HNF4G: variants seen among roughly 807,000 people sequenced by gnomAD.
HNF4G encodes hepatocyte nuclear factor 4 gamma, also known as hepatocyte nuclear factor 4-gamma.
Under a neutral mutation model 50.9 loss-of-function variants are expected in HNF4G, and 21 were observed. The observed-to-expected ratio is 0.41, with a 90% CI of 0.29 to 0.59. HNF4G has a LOEUF of 0.59. HNF4G is among the 20% of genes least tolerant of loss of function. HNF4G has a pLI of 0.26. For missense variants in HNF4G, 527 were observed against 559.4 expected, an observed-to-expected ratio of 0.94 and a Z score of 0.58; for synonymous variants, 198 against 185.6, an observed-to-expected ratio of 1.07 and a Z score of -0.54.
intron 2 of HNF4G, among the ~76,000 whole-genome samples, chr8:75,512,853 G>A (rs953844649): frequency 1.3e-5 from 2 of 152,012 alleles, no homozygotes; most frequent in Non-Finnish European, 1.5e-5. Flanking sequence ...CAATATATTC[G>A]ATTTTGTCCT....
intron 2 of HNF4G, among the ~76,000 whole-genome samples, chr8:75,519,009 G>C (rs776086707): frequency 3.9e-5 from 6 of 151,918 alleles, no homozygotes; most frequent in African/African-American, 1.2e-4. Flanking sequence ...ATATCTTTTT[G>C]AATACATAAA....
At chr8:75,502,158 C>T (rs1185224234) in intron 2 of HNF4G, among the ~76,000 whole-genome samples, 1 of 152,070 alleles carries the variant, frequency 6.6e-6, no homozygotes, top group Non-Finnish European at 1.5e-5. Flanking sequence ...GCCCTGAAGT[C>T]TATGTTCTTG....
At chr8:75,437,314 CTCA>C (rs1442327196) in intron 1 of HNF4G, among the ~76,000 whole-genome samples, 1 of 152,310 alleles carries the variant, frequency 6.6e-6, no homozygotes, top group South Asian at 2.1e-4. Flanking sequence ...TTGTGTCATA[CTCA>C]TCATATTTCC....
chr8:75,545,532 G>A (rs1242094223), intron 2 of HNF4G, among the ~76,000 whole-genome samples: 3 of 152,028 alleles, frequency 2.0e-5, no homozygotes, highest in Admixed American at 2.0e-4. Flanking sequence ...TTGGAAAATG[G>A]TTAGTATATT....
intron 1 of HNF4G, among the ~76,000 whole-genome samples, chr8:75,415,176 G>A (rs2130471686): frequency 6.6e-6 from 1 of 152,150 alleles, no homozygotes; most frequent in East Asian, 1.9e-4. Flanking sequence ...CTTTGGTGAA[G>A]TTTTGTTCAA....
chr8:75,526,326 C>T (rs1173166060), intron 2 of HNF4G, among the ~76,000 whole-genome samples: 1 of 151,954 alleles, frequency 6.6e-6, no homozygotes, highest in African/African-American at 2.4e-5. Context: ...AGCCACTGCA[C>T]CTGGCCTCAA....
At chr8:75,442,652 T>G (rs1368971924) in intron 1 of HNF4G, among the ~76,000 whole-genome samples, 4 of 152,058 alleles carry the variant, frequency 2.6e-5, no homozygotes, top group Admixed American at 2.6e-4. Flanking sequence ...ATAATCACAA[T>G]TATGCATTTG....
intron 1 of HNF4G, among the ~76,000 whole-genome samples, chr8:75,433,412 CA>C (rs1186388765): frequency 0.031 from 1,953 of 63,032 alleles, 34 homozygotes; most frequent in African/African-American, 0.1. Context: ...TGTCTCAGAA[CA>C]AAAAAAAAAA....
At chr8:75,563,487 A>G (rs1807375489) in intron 9 of HNF4G, among the ~76,000 whole-genome samples, 1 of 151,908 alleles carries the variant, frequency 6.6e-6, no homozygotes, top group Non-Finnish European at 1.5e-5. Flanking sequence ...AGATTTCAGA[A>G]CATTTATAAA....
chr8:75,454,408 A>C (rs1811669211), intron 1 of HNF4G, among the ~76,000 whole-genome samples: 1 of 152,236 alleles, frequency 6.6e-6, no homozygotes, highest in African/African-American at 2.4e-5. Context: ...GTAAAACCTC[A>C]GTACATGCAG....
At chr8:75,503,363 G>A (rs1294996066) in intron 2 of HNF4G, among the ~76,000 whole-genome samples, 3 of 152,120 alleles carry the variant, frequency 2.0e-5, no homozygotes, top group African/African-American at 7.2e-5. Flanking sequence ...ACACAGAGAT[G>A]TCACAGATTG....
At chr8:75,522,912 CA>C (rs1806084459) in intron 2 of HNF4G, among the ~76,000 whole-genome samples, 1 of 151,932 alleles carries the variant, frequency 6.6e-6, no homozygotes, top group Non-Finnish European at 1.5e-5. Flanking sequence ...ATCAAAGAAA[CA>C]AAGCCTTTGC....
chr8:75,456,635 C>T (rs981930381), intron 1 of HNF4G, among the ~76,000 whole-genome samples: 1 of 151,802 alleles, frequency 6.6e-6, no homozygotes, highest in Admixed American at 6.6e-5. Flanking sequence ...AGGTTGGTAA[C>T]CAAAATCTAT....
At chr8:75,562,826 A>G (rs908331467) in intron 9 of HNF4G, among the ~76,000 whole-genome samples, 2 of 152,186 alleles carry the variant, frequency 1.3e-5, no homozygotes, top group East Asian at 1.9e-4. Context: ...AAAGCAGGAT[A>G]TTAAACACAA....
At chr8:75,440,864 C>A (rs1415332208) in intron 1 of HNF4G, among the ~76,000 whole-genome samples, 5 of 151,646 alleles carry the variant, frequency 3.3e-5, no homozygotes, top group African/African-American at 1.2e-4. Context: ...TATTATTATT[C>A]TTATTATTTT....
chr8:75,476,364 G>A (rs1248391727), intron 1 of HNF4G, among the ~76,000 whole-genome samples: 2 of 152,076 alleles, frequency 1.3e-5, no homozygotes, highest in African/African-American at 2.4e-5. Flanking sequence ...TTGATTCCAT[G>A]ACTTTGCTAT....
chr8:75,495,294 T>TC (rs1307687772), intron 2 of HNF4G: 1 of 152,150 alleles, frequency 6.6e-6, no homozygotes, highest in Non-Finnish European at 1.5e-5. Context: ...ATGTTTAATA[T>TC]CCCCATGTGA....
chr8:75,529,082 C>G (rs2977924), intron 2 of HNF4G, among the ~76,000 whole-genome samples: 15,400 of 151,762 alleles, frequency 0.1, 1,150 homozygotes, highest in African/African-American at 0.21. Context: ...GTCAGGAGAT[C>G]AAGACCATCC....
At chr8:75,439,181 C>A (rs1811212304) in intron 1 of HNF4G, among the ~76,000 whole-genome samples, 1 of 152,016 alleles carries the variant, frequency 6.6e-6, no homozygotes, top group Admixed American at 6.6e-5. Context: ...TTAAAGCATC[C>A]AAAGAGTAAA....
Sources: allele counts gnomAD v4.1 joint callset (sites outside exome capture counted in the v4.1 genomes callset), GRCh38; gene constraint gnomAD v4.1.1; transcripts MANE v1.5; gene names NCBI Gene and HGNC (gene_info 2026-07-23, HGNC 2026-07-21).